KCTD8: variants seen among roughly 807,000 people sequenced by gnomAD.
The protein encoded by KCTD8 is potassium channel tetramerization domain containing 8, also known as BTB/POZ domain-containing protein KCTD8.
Under a neutral mutation model 31.5 loss-of-function variants are expected in KCTD8, and 27 were observed. The observed-to-expected ratio is 0.86, with a 90% CI of 0.63 to 1.18. KCTD8 has a LOEUF of 1.18. Among genes scored for constraint, KCTD8 ranks in the 50% most tolerant of loss-of-function variants. The pLI, the probability that KCTD8 is intolerant of heterozygous loss-of-function variation, is 0.00. For synonymous variants in KCTD8, 290 were observed against 280.0 expected, an observed-to-expected ratio of 1.04 and a Z score of -0.36; for missense variants, 658 against 647.7, an observed-to-expected ratio of 1.02 and a Z score of -0.17.
chr4:44,447,529 G>A (rs1212135327), intron 1 of KCTD8, 34 bp downstream of exon 1: 2 of 1,502,660 alleles, frequency 1.3e-6, no homozygotes, highest in East Asian at 4.8e-5. Flanking sequence ...CAGGGGGCGA[G>A]GGGTGCTGGG....
intron 1 of KCTD8, among the ~76,000 whole-genome samples, chr4:44,427,855 A>C (rs1308908588): frequency 2.6e-5 from 4 of 151,724 alleles, no homozygotes; most frequent in Non-Finnish European, 5.9e-5. Flanking sequence ...AGAAAAAATA[A>C]AATAACACTG....
chr4:44,367,961 C>T (rs1280046875), intron 1 of KCTD8, among the ~76,000 whole-genome samples: 1 of 151,978 alleles, frequency 6.6e-6, no homozygotes, highest in East Asian at 1.9e-4. Context: ...TGTCATGAAG[C>T]TGAAGGCCTC....
At chr4:44,344,148 C>T (rs1198050206) in intron 1 of KCTD8, among the ~76,000 whole-genome samples, 5 of 151,944 alleles carry the variant, frequency 3.3e-5, no homozygotes, top group African/African-American at 9.7e-5. Flanking sequence ...TGAGCCACCA[C>T]GCCTAGCCCA....
At chr4:44,209,982 C>T (rs898031989) in intron 1 of KCTD8, among the ~76,000 whole-genome samples, 2 of 152,064 alleles carry the variant, frequency 1.3e-5, no homozygotes, top group Admixed American at 6.6e-5. Context: ...GAGTTGAAAG[C>T]GGCTGTTGAG....
chr4:44,318,808 G>T (rs538765038), intron 1 of KCTD8, among the ~76,000 whole-genome samples: 1 of 152,302 alleles, frequency 6.6e-6, no homozygotes, highest in South Asian at 2.1e-4. Flanking sequence ...TGTTGCTGCT[G>T]TTCTTTTTTG....
chr4:44,192,310 G>A (rs757225974), intron 1 of KCTD8, among the ~76,000 whole-genome samples: 7 of 151,980 alleles, frequency 4.6e-5, no homozygotes, highest in African/African-American at 1.7e-4. Flanking sequence ...GAAATTTACT[G>A]TTATATTACT....
chr4:44,301,014 A>G (rs1195236586), intron 1 of KCTD8, among the ~76,000 whole-genome samples: 1 of 151,404 alleles, frequency 6.6e-6, no homozygotes, highest in African/African-American at 2.4e-5. Context: ...ATGATTTCCA[A>G]TTTCATCCAT....
At chr4:44,301,436 G>A (rs1008717029) in intron 1 of KCTD8, among the ~76,000 whole-genome samples, 1 of 152,186 alleles carries the variant, frequency 6.6e-6, no homozygotes, top group African/African-American at 2.4e-5. Flanking sequence ...TTATCTCATT[G>A]TGGTTTTGAT....
chr4:44,197,987 AC>A (rs1179806554), intron 1 of KCTD8, among the ~76,000 whole-genome samples: 3 of 152,236 alleles, frequency 2.0e-5, no homozygotes, highest in African/African-American at 7.2e-5. Context: ...TGAAGAATTC[AC>A]TTAAAAAATT....
At chr4:44,276,773 T>C (rs1318573164) in intron 1 of KCTD8, among the ~76,000 whole-genome samples, 1 of 152,012 alleles carries the variant, frequency 6.6e-6, no homozygotes, top group Non-Finnish European at 1.5e-5. Flanking sequence ...TCACATTTAA[T>C]ATTCTCTCAA....
chr4:44,181,843 G>C (rs1479481864), intron 1 of KCTD8, among the ~76,000 whole-genome samples: 1 of 150,670 alleles, frequency 6.6e-6, no homozygotes, highest in Non-Finnish European at 1.5e-5. Flanking sequence ...GATGTGGGGA[G>C]CGCCTCTGCC....
intron 1 of KCTD8, among the ~76,000 whole-genome samples, chr4:44,209,544 C>T (rs2109342934): frequency 6.6e-6 from 1 of 151,568 alleles, no homozygotes; most frequent in Non-Finnish European, 1.5e-5. Context: ...CACACACACC[C>T]CCACCCACAT....
chr4:44,304,082 G>T (rs1444266100), intron 1 of KCTD8, among the ~76,000 whole-genome samples: 2 of 152,236 alleles, frequency 1.3e-5, no homozygotes, highest in Non-Finnish European at 2.9e-5. Context: ...GTACTAAGGA[G>T]TCATTATCCA....
intron 1 of KCTD8, among the ~76,000 whole-genome samples, chr4:44,291,075 CAAAG>C (rs1029180613): frequency 1.3e-5 from 2 of 151,786 alleles, no homozygotes; most frequent in Admixed American, 6.6e-5. Context: ...GATAGATTAA[CAAAG>C]AAAGAAAGAG....
At chr4:44,441,403 C>A (rs542926939) in intron 1 of KCTD8, among the ~76,000 whole-genome samples, 3 of 152,050 alleles carry the variant, frequency 2.0e-5, no homozygotes, top group African/African-American at 7.2e-5. Context: ...CATAAAATAA[C>A]CCTTCCAGCA....
chr4:44,386,308 A>G (rs1720209161), intron 1 of KCTD8, among the ~76,000 whole-genome samples: 1 of 151,612 alleles, frequency 6.6e-6, no homozygotes, highest in Non-Finnish European at 1.5e-5. Context: ...GCATCCATCC[A>G]CAGACAAATG....
At chr4:44,309,919 G>C (rs1396877111) in intron 1 of KCTD8, among the ~76,000 whole-genome samples, 4 of 152,024 alleles carry the variant, frequency 2.6e-5, no homozygotes, top group Non-Finnish European at 2.9e-5. Flanking sequence ...TATGCTCACA[G>C]TTGCCTTACG....
At chr4:44,435,419 T>C (rs1441668142) in intron 1 of KCTD8, among the ~76,000 whole-genome samples, 1 of 152,018 alleles carries the variant, frequency 6.6e-6, no homozygotes, top group Non-Finnish European at 1.5e-5. Context: ...TATTCTTTTA[T>C]TCTAGACTCT....
At chr4:44,222,366 AAG>A in intron 1 of KCTD8, among the ~76,000 whole-genome samples, 2 of 152,346 alleles carry the variant, frequency 1.3e-5, no homozygotes, top group Middle Eastern at 3.4e-3. Flanking sequence ...TTGGAAACCA[AAG>A]AGACTACTGA....
Sources: allele counts gnomAD v4.1 joint callset (sites outside exome capture counted in the v4.1 genomes callset), GRCh38; gene constraint gnomAD v4.1.1; transcripts MANE v1.5; gene names NCBI Gene and HGNC (gene_info 2026-07-23, HGNC 2026-07-21).